CCDC149: variants seen among roughly 807,000 people sequenced by gnomAD.
CCDC149 encodes coiled-coil domain-containing protein 149.
A neutral mutation model predicts 59.9 loss-of-function variants in CCDC149; 45 were observed. The ratio of observed to expected loss-of-function variants is 0.75; its 90% CI spans 0.59 to 0.96. CCDC149 has a LOEUF of 0.96. Ranked by LOEUF, CCDC149 falls within the 40% of genes least tolerant of loss-of-function variation. The pLI, the probability that CCDC149 is intolerant of heterozygous loss-of-function variation, is 0.00. For missense variants in CCDC149, 584 were observed against 664.7 expected (o/e 0.88, Z 1.33); for synonymous variants, 245 against 260.6 (o/e 0.94, Z 0.58).
upstream of CCDC149, among the ~76,000 whole-genome samples, chr4:24,915,180 C>T (rs573438687): frequency 2.4e-4 from 37 of 152,336 alleles, no homozygotes; most frequent in African/African-American, 8.4e-4. Flanking sequence ...TAACTCAGTG[C>T]CAAGCACTTG....
intron 1 of CCDC149, among the ~76,000 whole-genome samples, chr4:24,883,731 T>C (rs780667923): frequency 6.6e-6 from 1 of 152,200 alleles, no homozygotes; most frequent in Non-Finnish European, 1.5e-5. Flanking sequence ...CACATGATTT[T>C]TACAGCATTT....
intron 1 of CCDC149, among the ~76,000 whole-genome samples, chr4:24,953,267 C>T (rs1723365868): frequency 6.6e-6 from 1 of 152,082 alleles, no homozygotes; most frequent in Non-Finnish European, 1.5e-5. Flanking sequence ...CCCTTTTTGC[C>T]CACCCTGGCT....
intron 1 of CCDC149, among the ~76,000 whole-genome samples, chr4:24,966,577 G>C (rs759867799): frequency 3.9e-5 from 6 of 152,182 alleles, no homozygotes; most frequent in Non-Finnish European, 7.3e-5. Flanking sequence ...GGAGAAAGGA[G>C]GGCCCCAACA....
intron 1 of CCDC149, among the ~76,000 whole-genome samples, chr4:24,885,340 G>T (rs16876310): frequency 0.24 from 36,531 of 152,102 alleles, 5,208 homozygotes; most frequent in African/African-American, 0.38. Flanking sequence ...CCAAGCTTGA[G>T]AAGAGAAGAG....
intron 3 of CCDC149, among the ~76,000 whole-genome samples, chr4:24,854,421 A>C (rs928885371): frequency 6.6e-6 from 1 of 152,172 alleles, no homozygotes; most frequent in African/African-American, 2.4e-5. Flanking sequence ...ATAATGAATA[A>C]ATGAAGAAAG....
chr4:24,951,031 G>T (rs1723271782), intron 1 of CCDC149, among the ~76,000 whole-genome samples: 1 of 152,214 alleles, frequency 6.6e-6, no homozygotes, highest in Non-Finnish European at 1.5e-5. Context: ...TAAAAAGCAG[G>T]TGTTGTCAAG....
chr4:24,818,712 A>G (rs1715173748), intron 12 of CCDC149, among the ~76,000 whole-genome samples: 1 of 152,192 alleles, frequency 6.6e-6, no homozygotes, highest in East Asian at 1.9e-4. Flanking sequence ...TAGCTGCTTG[A>G]GCGTCCTCAT....
intron 1 of CCDC149, among the ~76,000 whole-genome samples, chr4:24,882,119 G>A (rs1719876608): frequency 6.6e-6 from 1 of 152,104 alleles, no homozygotes; most frequent in African/African-American, 2.4e-5. Context: ...TAGTAATAAA[G>A]GTTTTATTGA....
At chr4:24,927,704 T>A (rs2109339943) in intron 1 of CCDC149, among the ~76,000 whole-genome samples, 1 of 152,216 alleles carries the variant, frequency 6.6e-6, no homozygotes, top group South Asian at 2.1e-4. Flanking sequence ...TTCCTTATAT[T>A]AACTTGATCT....
chr4:24,937,719 G>A (rs532106309), intron 1 of CCDC149, among the ~76,000 whole-genome samples: 3 of 152,290 alleles, frequency 2.0e-5, no homozygotes, highest in East Asian at 3.9e-4. Context: ...TGTAAGTGAT[G>A]TGCATCACTT....
intron 9 of CCDC149, chr4:24,828,090 C>A (rs1715879084): frequency 6.6e-6 from 1 of 151,810 alleles, no homozygotes; most frequent in African/African-American, 2.4e-5. Flanking sequence ...CTTTACATGC[C>A]CCCAAATAAA....
intron 4 of CCDC149, among the ~76,000 whole-genome samples, chr4:24,840,245 T>A (rs146328973): frequency 6.6e-6 from 1 of 152,232 alleles, no homozygotes; most frequent in South Asian, 2.1e-4. Flanking sequence ...AAAAGCACCA[T>A]TGGGACTGGG....
At chr4:24,911,576 C>G (rs1188096287) in intron 1 of CCDC149, among the ~76,000 whole-genome samples, 1 of 152,180 alleles carries the variant, frequency 6.6e-6, no homozygotes, top group Non-Finnish European at 1.5e-5. Context: ...AGAGGATCTG[C>G]CCCTTAACAT....
intron 12 of CCDC149, among the ~76,000 whole-genome samples, chr4:24,817,128 C>A (rs1245450582): frequency 6.6e-6 from 1 of 152,224 alleles, no homozygotes; most frequent in East Asian, 1.9e-4. Context: ...TTACAACGCC[C>A]TTGTGAAAAT....
At chr4:24,901,460 A>AT (rs927743755) in intron 1 of CCDC149, among the ~76,000 whole-genome samples, 2 of 152,146 alleles carry the variant, frequency 1.3e-5, no homozygotes, top group African/African-American at 4.8e-5. Flanking sequence ...CACTATATTA[A>AT]TTTTTTTAAC....
intron 4 of CCDC149, among the ~76,000 whole-genome samples, chr4:24,850,963 CT>C (rs745536602): frequency 1.5e-3 from 220 of 143,868 alleles, no homozygotes; most frequent in Middle Eastern, 3.6e-3. Context: ...TGCAGTTAGA[CT>C]TTTTTTTTTT....
chr4:24,807,539 A>G lies in CCDC149; in HGVS notation c.*850T>C, dbSNP rs187041258. 3.3e-5 allele frequency: 5 copies of G among 152,318 alleles called. No homozygotes were observed. The highest frequency in any genetic ancestry group is 3.3e-4 in the Admixed American group (5 of 15,308). The allele number at this position is 152,318 out of a possible 1,614,324, so 9.4% of individuals were successfully genotyped here. On this transcript the variant is annotated 3_prime_UTR_variant, in exon 13 of 13. Coordinates refer to ENST00000635206, the MANE Select transcript of CCDC149 (RefSeq NM_001330643.2). ...GATCTTTCCCAAACCTGAAATGGCC[A>G]TACAATCCTGTATGTGAGACAGGCT...
chr4:24,848,567 C>CAAATAAAT lies in CCDC149; in HGVS notation c.372+4497_372+4504dup, dbSNP rs565762293. ...CTGGTGACAGAGTGAGACTCCATCT[C>CAAATAAAT]AAATAAATAAATAAATAAATAAATA... On this transcript the variant is annotated intron_variant, in intron 4 of 12. Transcript: ENST00000635206. Among the ~76,000 whole-genome samples the CAAATAAAT allele has an allele frequency of 7.8e-3, 1,177 of 150,398 alleles. 15 individuals are homozygous for CAAATAAAT. The highest frequency in any genetic ancestry group is 0.023 in the African/African-American group (927 of 40,718).
intron 1 of CCDC149, among the ~76,000 whole-genome samples, chr4:24,959,175 C>T (rs1208731448): frequency 2.6e-5 from 4 of 152,162 alleles, no homozygotes; most frequent in Non-Finnish European, 5.9e-5. Flanking sequence ...GGTGTTTCAC[C>T]ATGTTAGCCA....
Sources: allele counts gnomAD v4.1 joint callset (sites outside exome capture counted in the v4.1 genomes callset), GRCh38; gene constraint gnomAD v4.1.1; transcripts MANE v1.5; gene names NCBI Gene and HGNC (gene_info 2026-07-23, HGNC 2026-07-21).